Variants in TRIM5 observed in about 807,000 individuals in gnomAD.
TRIM5 encodes tripartite motif containing 5, also known as tripartite motif-containing protein 5.
A neutral mutation model predicts 35.6 loss-of-function variants in TRIM5; 31 were observed. The ratio of observed to expected loss-of-function variants is 0.87; its 90% CI spans 0.65 to 1.18. TRIM5 has a LOEUF of 1.18. Among genes scored for constraint, TRIM5 ranks in the 50% most tolerant of loss-of-function variants. The probability of loss-of-function intolerance (pLI) is 0.00; values close to 1 mark genes in which losing one functional copy is unlikely to be tolerated. For synonymous variants in TRIM5, 243 were observed against 215.6 expected (o/e 1.13, Z -1.11); for missense variants, 609 against 591.6 (o/e 1.03, Z -0.31).
At chr11:5,600,182 C>G in the TRIM5 span, among the ~76,000 whole-genome samples, 1 of 152,110 alleles carries the variant, frequency 6.6e-6, no homozygotes, top group Non-Finnish European at 1.5e-5. Context: ...AATAAGAGCT[C>G]CAGCTCTGCA....
intron 4 of TRIM5, among the ~76,000 whole-genome samples, chr11:5,673,052 C>A (rs548407705): frequency 4.3e-4 from 65 of 151,940 alleles, no homozygotes; most frequent in Non-Finnish European, 4.7e-4. Flanking sequence ...AAACAAATAG[C>A]AAAATGGTAA....
chr11:5,611,048 T>G, the TRIM5 span: 3 of 1,614,190 alleles, frequency 1.9e-6, no homozygotes, highest in Non-Finnish European at 2.5e-6. Flanking sequence ...ATCACAGTGC[T>G]TACTCCAGGT....
chr11:5,679,975 C>A lies in TRIM5; in HGVS notation c.203G>T (p.Arg68Leu), dbSNP rs1042375413. 1.2e-6 allele frequency: 2 copies of A among 1,614,002 alleles called. No individual in the cohort carries two copies. The highest frequency in any genetic ancestry group is 1.7e-6 in the Non-Finnish European group (2 of 1,179,986). Residue 68 changes from arginine (R) to leucine (L), a missense_variant, in exon 2 of 8, where the codon CGG becomes CTG. Coordinates refer to ENST00000380034, the MANE Select transcript of TRIM5 (RefSeq NM_033034.3). ...TATGTTGGCTACATGCCGATTAGGC[C>A]GTATGTTCTCAGGCTGGTAACTGAT... Reference protein sequence around the residue: ...CRISYQPENIRPNRHVANIVE... With the variant: ...CRISYQPENILPNRHVANIVE...
At chr11:5,603,882 C>G in the TRIM5 span, 3,606 of 1,420,794 alleles carry the variant, frequency 2.5e-3, 8 homozygotes, top group Non-Finnish European at 2.3e-3. Flanking sequence ...AGAATAGATT[C>G]TTTATCATTT....
At chr11:5,668,385 C>G (rs1851307012) in intron 4 of TRIM5, among the ~76,000 whole-genome samples, 1 of 152,128 alleles carries the variant, frequency 6.6e-6, no homozygotes, top group Non-Finnish European at 1.5e-5. Flanking sequence ...TAATAGTGCT[C>G]AAGATGTTTA....
the TRIM5 span, chr11:5,604,898 A>G: frequency 6.6e-6 from 3 of 454,988 alleles, no homozygotes; most frequent in Admixed American, 7.9e-5. Flanking sequence ...GTCTTGCTCT[A>G]CAGTTTCAGT....
At chr11:5,606,532 T>C in the TRIM5 span, among the ~76,000 whole-genome samples, 1 of 152,224 alleles carries the variant, frequency 6.6e-6, no homozygotes, top group South Asian at 2.1e-4. Context: ...TTACATATTC[T>C]TGGGTCTTAG....
intron 4 of TRIM5, 26 bp downstream of exon 4, chr11:5,678,178 T>G (rs1438461149): frequency 6.4e-7 from 1 of 1,570,940 alleles, no homozygotes; most frequent in Non-Finnish European, 8.7e-7. Context: ...TTAATCTCAG[T>G]GCTCAGGCTT....
At chr11:5,647,195 A>C in the TRIM5 span, among the ~76,000 whole-genome samples, 1 of 152,140 alleles carries the variant, frequency 6.6e-6, no homozygotes, top group Admixed American at 6.5e-5. Context: ...AATACTTGGC[A>C]AAGGGGATTT....
chr11:5,632,792 G>A, the TRIM5 span: 3 of 1,482,044 alleles, frequency 2.0e-6, no homozygotes, highest in Non-Finnish European at 1.8e-6. Context: ...GCAGAAGATG[G>A]TAGTTGGTGG....
chr11:5,591,891 GC>G, the TRIM5 span, among the ~76,000 whole-genome samples: 29,367 of 152,038 alleles, frequency 0.19, 2,942 homozygotes, highest in Middle Eastern at 0.31. Flanking sequence ...GTGACCTTTA[GC>G]CCCGGGGGGC....
chr11:5,605,651 A>T, the TRIM5 span: 36 of 1,461,176 alleles, frequency 2.5e-5, no homozygotes, highest in East Asian at 8.3e-4. Context: ...TCAGACTACC[A>T]TCGTTGCAGG....
chr11:5,596,253 C>G, the TRIM5 span: 1 of 152,728 alleles, frequency 6.5e-6, no homozygotes, highest in Non-Finnish European at 1.5e-5. Flanking sequence ...ACCCGCTCTG[C>G]AGGTCGGGTT....
chr11:5,590,760 T>C, the TRIM5 span: 1 of 152,296 alleles, frequency 6.6e-6, no homozygotes, highest in East Asian at 1.9e-4. Context: ...TTTTGCTCTT[T>C]GCAATAAATT....
Position 5,663,282 on chromosome 11 carries a change from T to C in TRIM5, c.*1527A>G. ...TTTTATTATAATTATTTTTTACAAT[T>C]AATAAACTGATTCCCACATAATTCA... On this transcript the variant is annotated 3_prime_UTR_variant, in exon 8 of 8. Coordinates refer to ENST00000380034, the MANE Select transcript of TRIM5 (RefSeq NM_033034.3). The C allele has an allele frequency of 1.1e-6, 1 of 950,800 alleles. No individual in the cohort carries two copies. The highest frequency in any genetic ancestry group is 1.3e-6 in the Non-Finnish European group (1 of 798,444). The allele number at this position is 950,800 out of a possible 1,614,324, so 58.9% of individuals were successfully genotyped here.
chr11:5,613,180 T>C, the TRIM5 span, among the ~76,000 whole-genome samples: 1 of 152,202 alleles, frequency 6.6e-6, no homozygotes, highest in East Asian at 1.9e-4. Context: ...CTGAGGCATT[T>C]TTATGGAAGG....
Position 5,664,902 on chromosome 11 carries a change from C to A in TRIM5, c.1389G>T (p.Lys463Asn). The A allele has an allele frequency of 6.2e-7, 1 of 1,613,996 alleles. No homozygotes were observed. ...NITNHGFLIY[K>N]FSHCSFSQPV... The stretch of plus-strand genomic sequence containing the variant: ...GCTGAGAAAAAGAACAGTGAGAAAA[C>A]TTATAGATGAGAAATCCATGGTTTG... Residue 463 changes from lysine to asparagine, a missense_variant, in exon 8 of 8, where the codon AAG (lysine) becomes AAT (asparagine). Coordinates refer to ENST00000380034, the MANE Select transcript of TRIM5 (RefSeq NM_033034.3).
chr11:5,672,742 G>C (rs918856031), intron 4 of TRIM5, among the ~76,000 whole-genome samples: 1 of 152,122 alleles, frequency 6.6e-6, no homozygotes, highest in Non-Finnish European at 1.5e-5. Flanking sequence ...AATAGGTTAT[G>C]ACATATATGC....
At chr11:5,675,868 T>C (rs12361787) in intron 4 of TRIM5, among the ~76,000 whole-genome samples, 26,822 of 67,476 alleles carry the variant, frequency 0.4, 6,037 homozygotes, top group Non-Finnish European at 0.56. Context: ...CACCCCACCA[T>C]AGTCCCCAGA....
Sources: gnomAD v4.1 joint callset for allele counts (sites outside exome capture counted in the v4.1 genomes callset) on GRCh38, gnomAD v4.1.1 for gene constraint, MANE v1.5 for transcripts, NCBI Gene and HGNC (gene_info 2026-07-23, HGNC 2026-07-21) for gene names.